GALNT2: variants seen among roughly 807,000 people sequenced by gnomAD.
GALNT2 encodes the protein polypeptide N-acetylgalactosaminyltransferase 2.
A neutral mutation model predicts 81.4 loss-of-function variants in GALNT2; 31 were observed. The observed-to-expected ratio is 0.38, with a 90% CI of 0.29 to 0.51. The LOEUF is 0.51. Ranked by LOEUF, GALNT2 falls within the 20% of genes least tolerant of loss-of-function variation. GALNT2 has a pLI of 0.87. For synonymous variants in GALNT2, 303 were observed against 287.4 expected, an observed-to-expected ratio of 1.05 and a Z score of -0.55; for missense variants, 629 against 765.7, an observed-to-expected ratio of 0.82 and a Z score of 2.11.
At chr1:230,117,073 C>G (rs1660869171) in intron 1 of GALNT2, among the ~76,000 whole-genome samples, 1 of 152,224 alleles carries the variant, frequency 6.6e-6, no homozygotes, top group African/African-American at 2.4e-5. Flanking sequence ...GGGTAACTTG[C>G]TGCAGCTTCT....
chr1:230,208,786 C>A (rs1664143232), intron 3 of GALNT2, among the ~76,000 whole-genome samples: 2 of 152,204 alleles, frequency 1.3e-5, no homozygotes, highest in Admixed American at 1.3e-4. Context: ...AAAGGAGCCT[C>A]AGGGGAGTGT....
intron 1 of GALNT2, among the ~76,000 whole-genome samples, chr1:230,080,169 A>T (rs747363551): frequency 1.3e-5 from 2 of 152,094 alleles, no homozygotes; most frequent in Non-Finnish European, 2.9e-5. Flanking sequence ...CCCTGGAAGG[A>T]TATTTTTGGT....
At chr1:230,230,964 A>G (rs1664849925) in intron 3 of GALNT2, among the ~76,000 whole-genome samples, 1 of 152,134 alleles carries the variant, frequency 6.6e-6, no homozygotes, top group African/African-American at 2.4e-5. Flanking sequence ...TCCTTCTTAA[A>G]GAGAGTTTAT....
intron 13 of GALNT2, chr1:230,263,342 A>G (rs1665934636): frequency 3.5e-6 from 1 of 282,696 alleles, no homozygotes; most frequent in South Asian, 4.7e-5. Flanking sequence ...TCGAGTGACC[A>G]GGAGCAGTCC....
At chr1:230,180,276 G>T (rs532204847) in intron 2 of GALNT2, among the ~76,000 whole-genome samples, 1 of 138,466 alleles carries the variant, frequency 7.2e-6, no homozygotes. Flanking sequence ...TGTGAAAAGT[G>T]TAAGAGCTGT....
intron 10 of GALNT2, among the ~76,000 whole-genome samples, chr1:230,250,864 G>C (rs1480380348): frequency 1.3e-5 from 2 of 152,182 alleles, no homozygotes; most frequent in Non-Finnish European, 2.9e-5. Context: ...TGCAAAAACA[G>C]AGGGAAACAG....
At position 230,249,168 on chromosome 1, in the gene GALNT2, T is replaced by C. The variant is rs1405582907; in HGVS notation, c.818-16T>C. 5 of 1,613,192 alleles carry C rather than the reference T, an allele frequency of 3.1e-6. No homozygotes were observed. The highest frequency in any genetic ancestry group is 4.2e-6 in the Non-Finnish European group (5 of 1,179,288). ...CAGTCTCTTGTCAACACCCTGTTTC[T>C]TTTCCTGGCTGGCAGGTTTTGATTG... On this transcript the variant is annotated splice_polypyrimidine_tract_variant and intron_variant, in intron 8 of 15. Coordinates refer to ENST00000366672, the MANE Select transcript of GALNT2 (RefSeq NM_004481.5).
rs201546382 is a variant in GALNT2 at position 230,270,156 on chromosome 1, G to A, written c.1441-4289G>A. 6.6e-5 allele frequency among the ~76,000 whole-genome samples: 10 copies of A among 152,212 alleles called. No individual in the cohort carries two copies. In the East Asian group the frequency reaches 9.7e-4, roughly 15 times the overall value. ...GTGGAGGTTGCAGTGAGCCGAGATCGCACCACTATACTCCAGCCTGGGTGA... is the reference window on the plus strand; with the variant it reads ...GTGGAGGTTGCAGTGAGCCGAGATCACACCACTATACTCCAGCCTGGGTGA... On this transcript the variant is annotated intron_variant, in intron 14 of 15. Transcript: ENST00000366672.
chr1:230,205,397 A>G (rs1039643901), intron 3 of GALNT2, among the ~76,000 whole-genome samples: 3 of 152,182 alleles, frequency 2.0e-5, no homozygotes, highest in African/African-American at 4.8e-5. Context: ...TATCTGATAC[A>G]TATGAGTATA....
In GALNT2 at chr1:230,171,670, C is replaced by T. The variant is rs144307535; in HGVS notation, c.127-6548C>T. 1.6e-3 allele frequency among the ~76,000 whole-genome samples: 243 copies of T among 152,242 alleles called. 1 individual carries two copies. Among genetic ancestry groups the T allele is most frequent in the Admixed American group, 7.7e-3 (118 of 15,304 alleles). On this transcript the variant is annotated intron_variant, in intron 1 of 15. Transcript: ENST00000366672. ...TGTCTCCGTTAACAAATATGATGTT[C>T]GCCATTTAAATTATATGGAAGCAGC...
intron 1 of GALNT2, among the ~76,000 whole-genome samples, chr1:230,159,778 A>C (rs1662374822): frequency 6.6e-6 from 1 of 152,240 alleles, no homozygotes; most frequent in African/African-American, 2.4e-5. Flanking sequence ...CCCCACCTGC[A>C]GGCTGGCTGG....
intron 10 of GALNT2, 48 bp from the exon 11 acceptor site, chr1:230,255,170 G>A (rs762274387): frequency 1.1e-5 from 17 of 1,613,560 alleles, no homozygotes; most frequent in African/African-American, 9.3e-5. Flanking sequence ...TGTTGCAGAG[G>A]TGCGTCCCAG....
chr1:230,180,296 CTTTTTTTTT>C (rs56786141), intron 2 of GALNT2, among the ~76,000 whole-genome samples: 171 of 70,606 alleles, frequency 2.4e-3, no homozygotes, highest in South Asian at 7.8e-3. Context: ...TGTCTAGGTT[CTTTTTTTTT>C]TTTTTTTTTT....
chr1:230,173,331 C>T (rs1662856616), intron 1 of GALNT2, among the ~76,000 whole-genome samples: 1 of 152,180 alleles, frequency 6.6e-6, no homozygotes, highest in Non-Finnish European at 1.5e-5. Context: ...ATTTGGTTGG[C>T]AGGGCATCCT....
At chr1:230,067,230 C>T, upstream of GALNT2, 2 of 1,185,548 alleles carry the variant, frequency 1.7e-6, no homozygotes, top group African/African-American at 3.2e-5. Flanking sequence ...GCGGCCGGCC[C>T]AGGCAGCACT....
At chr1:230,269,009 C>A (rs933162715) in intron 14 of GALNT2, among the ~76,000 whole-genome samples, 104 of 152,358 alleles carry the variant, frequency 6.8e-4, no homozygotes, top group African/African-American at 2.5e-3. Flanking sequence ...GCTTTTCCTT[C>A]TTGCTGTTGT....
chr1:230,086,271 G>T (rs575399040), intron 1 of GALNT2, among the ~76,000 whole-genome samples: 2 of 152,178 alleles, frequency 1.3e-5, no homozygotes, highest in Non-Finnish European at 2.9e-5. Context: ...GTGGGTGATG[G>T]TGACTAGGGA....
intron 2 of GALNT2, among the ~76,000 whole-genome samples, chr1:230,180,240 G>A (rs930502126): frequency 2.7e-5 from 4 of 150,382 alleles, no homozygotes; most frequent in African/African-American, 9.8e-5. Context: ...TTACATTTAG[G>A]TCTGTGATTC....
At chr1:230,204,327 C>T (rs1202661432) in intron 3 of GALNT2, among the ~76,000 whole-genome samples, 1 of 152,004 alleles carries the variant, frequency 6.6e-6, no homozygotes, top group East Asian at 1.9e-4. Flanking sequence ...TGCCACCACA[C>T]CTGACTAATT....
Sources: allele counts gnomAD v4.1 joint callset (sites outside exome capture counted in the v4.1 genomes callset), GRCh38; gene constraint gnomAD v4.1.1; transcripts MANE v1.5; gene names NCBI Gene and HGNC (gene_info 2026-07-23, HGNC 2026-07-21).